Variants in NEGR1 observed in about 807,000 individuals in gnomAD.
The protein encoded by NEGR1 is IgLON family member 4.
In NEGR1, 10 loss-of-function variants were observed where a neutral mutation model predicts 40.9. The observed-to-expected ratio is 0.24, with a 90% confidence interval of 0.15 to 0.42. NEGR1 has a LOEUF of 0.42. NEGR1 is among the 10% of genes least tolerant of loss of function. NEGR1 has a pLI of 1.00. For missense variants in NEGR1, 352 were observed against 438.9 expected, an observed-to-expected ratio of 0.80 and a Z score of 1.77; for synonymous variants, 185 against 166.8, an observed-to-expected ratio of 1.11 and a Z score of -0.84.
At chr1:72,165,186 G>C (rs1479895181) in intron 1 of NEGR1, among the ~76,000 whole-genome samples, 1 of 151,950 alleles carries the variant, frequency 6.6e-6, no homozygotes, top group Non-Finnish European at 1.5e-5. Flanking sequence ...ATCAACAACA[G>C]CTTTCTCTGT....
At chr1:71,978,966 A>C (rs945957790) in intron 1 of NEGR1, among the ~76,000 whole-genome samples, 4 of 152,228 alleles carry the variant, frequency 2.6e-5, no homozygotes, top group Non-Finnish European at 5.9e-5. Flanking sequence ...AATGTCCATC[A>C]ATGCTAGACT....
At chr1:71,725,813 T>C (rs1654652941) in intron 3 of NEGR1, among the ~76,000 whole-genome samples, 1 of 152,084 alleles carries the variant, frequency 6.6e-6, no homozygotes, top group African/African-American at 2.4e-5. Context: ...TATTTTGAAA[T>C]CTTGAATAGA....
At chr1:71,782,518 T>G (rs557012564) in intron 2 of NEGR1, among the ~76,000 whole-genome samples, 1 of 152,266 alleles carries the variant, frequency 6.6e-6, no homozygotes, top group Admixed American at 6.5e-5. Context: ...CTTCATTTGT[T>G]TATTATCTGT....
At chr1:71,451,096 C>T (rs1259912996) in intron 6 of NEGR1, among the ~76,000 whole-genome samples, 1 of 152,188 alleles carries the variant, frequency 6.6e-6, no homozygotes, top group Non-Finnish European at 1.5e-5. Flanking sequence ...TCAATTACAC[C>T]AGTGGGACAT....
intron 2 of NEGR1, among the ~76,000 whole-genome samples, chr1:71,808,949 A>G (rs941327894): frequency 1.3e-5 from 2 of 152,178 alleles, no homozygotes; most frequent in Non-Finnish European, 2.9e-5. Context: ...CTGGCTAGTA[A>G]AACCTAATAG....
intron 1 of NEGR1, among the ~76,000 whole-genome samples, chr1:72,246,564 T>C (rs947254133): frequency 6.6e-6 from 1 of 152,250 alleles, no homozygotes; most frequent in Non-Finnish European, 1.5e-5. Flanking sequence ...TGATCATCTT[T>C]CACTTCAGAA....
At chr1:72,149,604 C>T (rs928413887) in intron 1 of NEGR1, among the ~76,000 whole-genome samples, 1 of 151,782 alleles carries the variant, frequency 6.6e-6, no homozygotes, top group Non-Finnish European at 1.5e-5. Flanking sequence ...CCAAGTAGGC[C>T]GGGTGCAGTG....
At chr1:72,145,906 C>T (rs1036839848) in intron 1 of NEGR1, among the ~76,000 whole-genome samples, 1 of 152,104 alleles carries the variant, frequency 6.6e-6, no homozygotes, top group Non-Finnish European at 1.5e-5. Flanking sequence ...ACTCCATCTG[C>T]TGTGACCTAT....
chr1:71,594,517 C>T (rs1420454224), intron 5 of NEGR1, among the ~76,000 whole-genome samples: 1 of 152,068 alleles, frequency 6.6e-6, no homozygotes, highest in Non-Finnish European at 1.5e-5. Context: ...ATTTGGCTTA[C>T]CCCAAATGCA....
At chr1:71,808,984 T>C (rs1657883808) in intron 2 of NEGR1, among the ~76,000 whole-genome samples, 1 of 152,158 alleles carries the variant, frequency 6.6e-6, no homozygotes. Context: ...GGTTTTATTT[T>C]TCCATTTACA....
At chr1:72,175,695 C>A (rs780992767) in intron 1 of NEGR1, among the ~76,000 whole-genome samples, 17 of 150,704 alleles carry the variant, frequency 1.1e-4, no homozygotes, top group Non-Finnish European at 2.2e-4. Flanking sequence ...AAAAAAAAAA[C>A]ACATGTGAAC....
At chr1:72,248,382 C>G (rs533877530) in intron 1 of NEGR1, among the ~76,000 whole-genome samples, 1 of 151,792 alleles carries the variant, frequency 6.6e-6, no homozygotes, top group South Asian at 2.1e-4. Flanking sequence ...CTCAGCCTCC[C>G]GAGTAGCTAG....
At chr1:71,867,368 C>T (rs1011442167) in intron 2 of NEGR1, among the ~76,000 whole-genome samples, 1 of 152,164 alleles carries the variant, frequency 6.6e-6, no homozygotes, top group African/African-American at 2.4e-5. Flanking sequence ...GAGTGAGACT[C>T]CGTCGAGGGA....
At chr1:72,281,821 A>G (rs1656264340) in intron 1 of NEGR1, among the ~76,000 whole-genome samples, 1 of 152,160 alleles carries the variant, frequency 6.6e-6, no homozygotes, top group Non-Finnish European at 1.5e-5. Context: ...AGGAGAAAAG[A>G]AAGAAAACAG....
chr1:71,498,395 A>G (rs935286586), intron 6 of NEGR1, among the ~76,000 whole-genome samples: 2 of 152,032 alleles, frequency 1.3e-5, no homozygotes, highest in African/African-American at 4.8e-5. Context: ...TCCAATTATC[A>G]GTAGAGCAGA....
chr1:72,113,060 G>C (rs1649439536), intron 1 of NEGR1, among the ~76,000 whole-genome samples: 1 of 151,726 alleles, frequency 6.6e-6, no homozygotes, highest in South Asian at 2.1e-4. Flanking sequence ...AGCAACCTGA[G>C]AAATCAGTAT....
intron 3 of NEGR1, among the ~76,000 whole-genome samples, chr1:71,713,074 T>A (rs1226271069): frequency 6.6e-6 from 1 of 152,248 alleles, no homozygotes; most frequent in Non-Finnish European, 1.5e-5. Context: ...CAGTATATTA[T>A]AAAATGATTC....
chr1:71,694,676 T>C (rs1277699903), intron 4 of NEGR1, among the ~76,000 whole-genome samples: 1 of 151,808 alleles, frequency 6.6e-6, no homozygotes, highest in Admixed American at 6.6e-5. Flanking sequence ...GTGGAAGGTG[T>C]ATTAGAGAAA....
At chr1:72,084,332 T>G (rs2821262) in intron 1 of NEGR1, among the ~76,000 whole-genome samples, 2,407 of 152,210 alleles carry the variant, frequency 0.016, 64 homozygotes, top group African/African-American at 0.056. Context: ...CATTCTCCAC[T>G]TATCAGCATG....
Sources: gnomAD v4.1 joint callset for allele counts (sites outside exome capture counted in the v4.1 genomes callset) on GRCh38, gnomAD v4.1.1 for gene constraint, MANE v1.5 for transcripts, NCBI Gene and HGNC (gene_info 2026-07-23, HGNC 2026-07-21) for gene names.